The following FAM124A variants were observed in gnomAD, a reference collection of about 807,000 sequenced individuals.
FAM124A encodes the protein protein FAM124A.
FAM124A carries 23 observed loss-of-function variants against 24.5 expected under a neutral mutation model. The ratio of observed to expected loss-of-function variants is 0.94; its 90% CI spans 0.68 to 1.33. The LOEUF is 1.33. Among genes scored for constraint, FAM124A ranks in the 40% most tolerant of loss-of-function variants. The pLI, the probability that FAM124A is intolerant of heterozygous loss-of-function variation, is 0.00. For missense variants in FAM124A, 623 were observed against 722.8 expected (o/e 0.86, Z 1.58); for synonymous variants, 287 against 314.7 (o/e 0.91, Z 0.93).
intron 3 of FAM124A, among the ~76,000 whole-genome samples, chr13:51,274,908 C>G (rs893247536): frequency 3.3e-5 from 5 of 152,124 alleles, no homozygotes; most frequent in African/African-American, 1.2e-4. Context: ...ATCAATATCT[C>G]CTATTTGTTG....
intron 1 of FAM124A, 29 bp downstream of exon 1, chr13:51,222,598 G>C (rs1954272282): frequency 2.5e-6 from 3 of 1,217,936 alleles, no homozygotes; most frequent in Non-Finnish European, 3.1e-6. Flanking sequence ...GGCCGCGGGC[G>C]GGGGGCGCTC....
Position 51,252,027 on chromosome 13 carries a change from C to A in FAM124A, c.660C>A (p.Phe220Leu), listed in dbSNP as rs543244580. 6.2e-7 allele frequency: 1 copy of A among 1,614,248 alleles called. No homozygotes were observed. Among genetic ancestry groups the A allele is most frequent in the African/African-American group, 1.3e-5 (1 of 75,080 alleles). Residue 220 changes from phenylalanine to leucine, a missense_variant, in exon 3 of 4, where the codon TTC (phenylalanine) becomes TTA (leucine). Transcript: ENST00000322475. ...CCAACCTGGATGTGGACATCCAGTT[C>A]TCCCTGAAAAGACTGCCCTGTGACC... ...IFSNLDVDIQ[F>L]SLKRLPCDQC...
intron 2 of FAM124A, 28 bp downstream of exon 2, chr13:51,231,407 A>T: frequency 6.2e-7 from 1 of 1,613,388 alleles, no homozygotes; most frequent in South Asian, 1.1e-5. Flanking sequence ...ATCCTTCAGC[A>T]TTGTCTAACG....
intron 2 of FAM124A, among the ~76,000 whole-genome samples, chr13:51,244,494 C>A (rs752036263): frequency 6.6e-6 from 1 of 152,188 alleles, no homozygotes; most frequent in Non-Finnish European, 1.5e-5. Flanking sequence ...TCATATTAAT[C>A]GTTGCCCAAA....
intron 3 of FAM124A, among the ~76,000 whole-genome samples, chr13:51,264,989 T>C (rs1954770965): frequency 6.6e-6 from 1 of 152,262 alleles, no homozygotes; most frequent in Non-Finnish European, 1.5e-5. Context: ...AAATGCTAGC[T>C]CTACAACCCT....
intron 1 of FAM124A, chr13:51,225,221 A>C (rs1462866199): frequency 6.6e-6 from 1 of 152,234 alleles, no homozygotes; most frequent in African/African-American, 2.4e-5. Flanking sequence ...AAGACATCCA[A>C]GTAAAGATGA....
chr13:51,282,884 TA>T lies in FAM124A; in HGVS notation c.*1630del, dbSNP rs1428457509. ...AAAAATATAGTCTCCTAATTCAGGATAAGGAGTAAGCAAACTTTCTGAAAAG... is the reference window on the plus strand; with the variant it reads ...AAAAATATAGTCTCCTAATTCAGGATAGGAGTAAGCAAACTTTCTGAAAAG... On this transcript the variant is annotated 3_prime_UTR_variant, in exon 4 of 4. Transcript: ENST00000322475. The T allele has an allele frequency of 3.3e-5, 5 of 152,194 alleles. No individual in the cohort carries two copies. Among genetic ancestry groups the T allele is most frequent in the African/African-American group, 9.7e-5 (4 of 41,442 alleles). 9.4% of individuals were successfully genotyped at this position (152,194 alleles called of 1,614,324 possible).
chr13:51,240,179 G>A (rs1253108688), intron 2 of FAM124A, among the ~76,000 whole-genome samples: 1 of 152,206 alleles, frequency 6.6e-6, no homozygotes, highest in Non-Finnish European at 1.5e-5. Context: ...ATCCTTTCAA[G>A]GTTACAAAAT....
Position 51,251,548 on chromosome 13 carries a change from C to T in FAM124A, c.181C>T (p.Leu61=), listed in dbSNP as rs769432230. 1.3e-6 allele frequency: 2 copies of T among 1,530,892 alleles called. No homozygotes were observed. Among genetic ancestry groups the T allele is most frequent in the Non-Finnish European group, 1.8e-6 (2 of 1,137,410 alleles). The allele number at this position is 1,530,892 out of a possible 1,614,324, so 94.8% of individuals were successfully genotyped here. ...CGCAGACCCAGGGGAGTCCCAGCCC[C>T]TGCAGGAGGCCATCGACAACGTCCT... ...IIADPGESQP[L]QEAIDNVLAW... The change falls in exon 3 of 4, where the codon CTG becomes TTG. Residue 61 remains leucine (L), a synonymous_variant. Transcript: ENST00000322475. The surrounding 1 kb of genome is among the most constrained non-coding windows in gnomAD (Gnocchi z 5.3).
Position 51,280,655 on chromosome 13 carries a change from C to G in FAM124A, c.1040C>G (p.Ala347Gly). 3 of 1,614,146 alleles carry G rather than the reference C, an allele frequency of 1.9e-6. No individual in the cohort carries two copies. The South Asian group carries it at 3.3e-5, about 18-fold the overall frequency. Residue 347 changes from alanine to glycine, a missense_variant, in exon 4 of 4, where the codon GCC becomes GGC. Ala to Gly is a moderately conservative substitution (Grantham distance 60, BLOSUM62 0). Coordinates refer to ENST00000322475, the MANE Select transcript of FAM124A (RefSeq NM_001242312.2). Reference protein sequence around the residue: ...PGHQQEFAGRANSTPNPPWSF... With the variant: ...PGHQQEFAGRGNSTPNPPWSF... ...CACCAGCAGGAATTTGCCGGACGAG[C>G]CAACAGCACCCCCAACCCTCCCTGG...
intron 2 of FAM124A, among the ~76,000 whole-genome samples, chr13:51,247,590 ACTTTC>A (rs995897503): frequency 5.3e-5 from 8 of 152,028 alleles, no homozygotes; most frequent in Admixed American, 2.0e-4. Context: ...CTTTTCCCAG[ACTTTC>A]CTTTACTTCG....
intron 3 of FAM124A, among the ~76,000 whole-genome samples, chr13:51,256,863 T>A: frequency 6.6e-6 from 1 of 152,304 alleles, no homozygotes; most frequent in African/African-American, 2.4e-5. Context: ...CCCGAGGCCC[T>A]GGCAACCTCC....
chr13:51,273,420 G>A (rs563706351), intron 3 of FAM124A, among the ~76,000 whole-genome samples: 4 of 152,248 alleles, frequency 2.6e-5, no homozygotes, highest in East Asian at 1.9e-4. Flanking sequence ...AGTCAGGCTC[G>A]CAGATAGATA....
At chr13:51,228,595 C>G (rs1954340264) in intron 1 of FAM124A, among the ~76,000 whole-genome samples, 1 of 152,216 alleles carries the variant, frequency 6.6e-6, no homozygotes, top group Non-Finnish European at 1.5e-5. Flanking sequence ...AGCTACCCTA[C>G]TGCTGTTCCT....
chr13:51,266,874 A>C (rs1167833357), intron 3 of FAM124A, among the ~76,000 whole-genome samples: 1 of 152,226 alleles, frequency 6.6e-6, no homozygotes, highest in African/African-American at 2.4e-5. Flanking sequence ...TGTCATGCCT[A>C]AATTTAACCA....
At chr13:51,231,270 CACTG>C in intron 1 of FAM124A, 74 bp from the exon 2 acceptor site, 2 of 1,514,660 alleles carry the variant, frequency 1.3e-6, no homozygotes, top group Admixed American at 1.7e-5. Flanking sequence ...TGCTACTTAC[CACTG>C]ACTGTTTAAA....
At chr13:51,233,901 A>G (rs1864685633) in intron 2 of FAM124A, among the ~76,000 whole-genome samples, 1 of 152,152 alleles carries the variant, frequency 6.6e-6, no homozygotes, top group Admixed American at 6.5e-5. Context: ...TTTATCCTGA[A>G]TGATTTAGTT....
intron 3 of FAM124A, among the ~76,000 whole-genome samples, chr13:51,276,744 T>C (rs9535633): frequency 0.074 from 11,228 of 152,312 alleles, 524 homozygotes; most frequent in South Asian, 0.14. Flanking sequence ...TGTGAACCCG[T>C]TGCCCAATTT....
At chr13:51,274,927 T>C (rs188570279) in intron 3 of FAM124A, among the ~76,000 whole-genome samples, 52 of 152,326 alleles carry the variant, frequency 3.4e-4, no homozygotes, top group African/African-American at 1.3e-3. Context: ...TGGAGTAATT[T>C]GTAAGCTCAA....
Sources: gnomAD v4.1 joint callset for allele counts (sites outside exome capture counted in the v4.1 genomes callset) on GRCh38, gnomAD v4.1.1 for gene constraint, Gnocchi (gnomAD v3.1) non-coding constraint, MANE v1.5 for transcripts, NCBI Gene and HGNC (gene_info 2026-07-23, HGNC 2026-07-21) for gene names.